The following PHYHIPL variants were observed in gnomAD, a reference collection of about 807,000 sequenced individuals.
The protein encoded by PHYHIPL is phytanoyl-CoA hydroxylase-interacting protein-like.
Under a neutral mutation model 33.4 loss-of-function variants are expected in PHYHIPL, and 9 were observed. The ratio of observed to expected loss-of-function variants is 0.27; its 90% CI spans 0.16 to 0.47. PHYHIPL has a LOEUF of 0.47. PHYHIPL is among the 20% of genes least tolerant of loss of function. The pLI is 0.99. For synonymous variants in PHYHIPL, 153 were observed against 154.1 expected (o/e 0.99, Z 0.05); for missense variants, 365 against 460.7 (o/e 0.79, Z 1.90).
At chr10:59,230,197 T>G (rs968038198) in intron 1 of PHYHIPL, among the ~76,000 whole-genome samples, 1 of 146,346 alleles carries the variant, frequency 6.8e-6, no homozygotes, top group Non-Finnish European at 1.5e-5. Flanking sequence ...ACATGAAATA[T>G]TTTAAAATTG....
chr10:59,179,933 G>A (rs1057106311), intron 1 of PHYHIPL, among the ~76,000 whole-genome samples: 8 of 149,022 alleles, frequency 5.4e-5, no homozygotes, highest in African/African-American at 2.0e-4. Flanking sequence ...TGTTTGCCAG[G>A]ACCTGGTCCT....
intron 1 of PHYHIPL, among the ~76,000 whole-genome samples, chr10:59,179,189 G>A (rs1465774318): frequency 6.6e-6 from 1 of 151,760 alleles, no homozygotes; most frequent in Admixed American, 6.6e-5. Flanking sequence ...AACAGCATAT[G>A]AAATGTTGCA....
chr10:59,203,587 A>G (rs1028201190), intron 1 of PHYHIPL, among the ~76,000 whole-genome samples: 2 of 152,174 alleles, frequency 1.3e-5, no homozygotes, highest in East Asian at 3.9e-4. Flanking sequence ...CTATGCAGCC[A>G]TAAAAAATGA....
intron 1 of PHYHIPL, chr10:59,206,933 A>G: frequency 2.3e-6 from 1 of 431,882 alleles, no homozygotes; most frequent in Non-Finnish European, 3.2e-6. Flanking sequence ...ATAATACTTA[A>G]CATTACAAAT....
intron 4 of PHYHIPL, among the ~76,000 whole-genome samples, chr10:59,240,790 C>A (rs1439677933): frequency 3.3e-5 from 5 of 152,030 alleles, no homozygotes; most frequent in African/African-American, 1.2e-4. Flanking sequence ...AGGGCAGTAT[C>A]TCTCTGTGAT....
At chr10:59,185,816 G>GA (rs1341747139) in intron 1 of PHYHIPL, among the ~76,000 whole-genome samples, 6 of 151,994 alleles carry the variant, frequency 3.9e-5, no homozygotes, top group African/African-American at 1.2e-4. Flanking sequence ...GGGGTTGTTT[G>GA]TTTTTTTCTT....
At chr10:59,195,107 A>G (rs894455035) in intron 1 of PHYHIPL, among the ~76,000 whole-genome samples, 3 of 152,206 alleles carry the variant, frequency 2.0e-5, no homozygotes, top group Admixed American at 1.3e-4. Flanking sequence ...ATTTGCACTG[A>G]CTAATGTTAT....
intron 1 of PHYHIPL, among the ~76,000 whole-genome samples, chr10:59,214,716 G>C (rs1212361516): frequency 6.6e-6 from 1 of 152,002 alleles, no homozygotes; most frequent in Non-Finnish European, 1.5e-5. Flanking sequence ...CTCATGATGA[G>C]TTTTCTACTT....
chr10:59,181,893 ATGTT>A (rs1435778017), intron 1 of PHYHIPL, among the ~76,000 whole-genome samples: 1 of 152,200 alleles, frequency 6.6e-6, no homozygotes, highest in African/African-American at 2.4e-5. Context: ...GATGTGTTGT[ATGTT>A]TAACGCTGGC....
Position 59,227,975 on chromosome 10 carries a change from G to GATATATATATATACATATATAT in PHYHIPL, c.107-6317_107-6316insACATATATATATATATATATAT, listed in dbSNP as rs1554799094. Among the ~76,000 whole-genome samples, 9 of 145,566 alleles carry GATATATATATATACATATATAT rather than the reference G, an allele frequency of 6.2e-5. 1 individual carries two copies. Among genetic ancestry groups the GATATATATATATACATATATAT allele is most frequent in the Middle Eastern group, 3.5e-3 (1 of 284 alleles). On this transcript the variant is annotated intron_variant, in intron 1 of 4. Transcript: ENST00000373880. Reference sequence around the variant, plus strand: ...TAAGATTTTAATTTTTGCCTATTGAGATATATATATATGTTTTAAATAACA... The same window carrying GATATATATATATACATATATAT: ...TAAGATTTTAATTTTTGCCTATTGAGATATATATATATACATATATATATATATATATATGTTTTAAATAACA...
chr10:59,246,801 T>C lies in PHYHIPL; in HGVS notation c.*1210T>C, dbSNP rs540992185. On this transcript the variant is annotated 3_prime_UTR_variant, in exon 5 of 5. Coordinates refer to ENST00000373880, the MANE Select transcript of PHYHIPL (RefSeq NM_032439.4). Reference sequence around the variant, plus strand: ...ATGAAAAAATAGTTATATCATCTTATAGTAAACCAAAAGATTAGCAATAAT... The same window carrying C: ...ATGAAAAAATAGTTATATCATCTTACAGTAAACCAAAAGATTAGCAATAAT... The C allele has an allele frequency of 2.3e-5, 9 of 391,470 alleles. No homozygotes were observed. Among genetic ancestry groups the C allele is most frequent in the Non-Finnish European group, 2.3e-5 (5 of 221,676 alleles). 24.2% of individuals were successfully genotyped at this position (391,470 alleles called of 1,614,324 possible). A position where few individuals can be genotyped will look rare whatever the true frequency, so the allele number is the denominator to read the frequency against.
intron 1 of PHYHIPL, among the ~76,000 whole-genome samples, chr10:59,226,002 A>G (rs1225130821): frequency 1.3e-5 from 2 of 152,164 alleles, no homozygotes; most frequent in Non-Finnish European, 2.9e-5. Context: ...AAAAATGACA[A>G]TTCTGTGTTT....
intron 4 of PHYHIPL, among the ~76,000 whole-genome samples, chr10:59,242,872 A>AACTC (rs1238596345): frequency 6.6e-6 from 1 of 152,194 alleles, no homozygotes; most frequent in East Asian, 1.9e-4. Flanking sequence ...ACAGAGATAA[A>AACTC]ACTCACCGAA....
chr10:59,242,969 G>A (rs954143543), intron 4 of PHYHIPL, among the ~76,000 whole-genome samples: 5 of 152,066 alleles, frequency 3.3e-5, no homozygotes, highest in Non-Finnish European at 5.9e-5. Flanking sequence ...GACAAAGAGG[G>A]TGGGGCTGAA....
chr10:59,200,528 T>G (rs1244435908), intron 1 of PHYHIPL, among the ~76,000 whole-genome samples: 1 of 152,140 alleles, frequency 6.6e-6, no homozygotes, highest in Non-Finnish European at 1.5e-5. Context: ...CTTTTTTGAT[T>G]TTGTCTCTGC....
intron 4 of PHYHIPL, among the ~76,000 whole-genome samples, chr10:59,241,736 G>T (rs1229017453): frequency 6.6e-6 from 1 of 152,118 alleles, no homozygotes; most frequent in Non-Finnish European, 1.5e-5. Flanking sequence ...TTTGAACAGG[G>T]ACAAGATGGG....
chr10:59,230,823 C>CG (rs935705768), intron 1 of PHYHIPL, among the ~76,000 whole-genome samples: 11 of 151,746 alleles, frequency 7.2e-5, no homozygotes, highest in African/African-American at 2.2e-4. Flanking sequence ...AAAACCATGG[C>CG]GGGGGGGCTT....
At chr10:59,236,226 A>T (rs1301405601) in intron 2 of PHYHIPL, among the ~76,000 whole-genome samples, 4 of 151,972 alleles carry the variant, frequency 2.6e-5, no homozygotes, top group Non-Finnish European at 5.9e-5. Flanking sequence ...ATAATTGTTA[A>T]GTATCTTTAA....
chr10:59,215,936 T>C (rs1839602617), intron 1 of PHYHIPL, among the ~76,000 whole-genome samples: 1 of 152,050 alleles, frequency 6.6e-6, no homozygotes, highest in Non-Finnish European at 1.5e-5. Context: ...GGGCATTACG[T>C]TGATGCCATT....
Sources: allele counts gnomAD v4.1 joint callset (sites outside exome capture counted in the v4.1 genomes callset), GRCh38; gene constraint gnomAD v4.1.1; transcripts MANE v1.5; gene names NCBI Gene and HGNC (gene_info 2026-07-23, HGNC 2026-07-21).